The following MTTP variants were observed in gnomAD, a reference collection of about 807,000 sequenced individuals.
MTTP encodes the protein microsomal triglyceride transfer protein large subunit.
In MTTP, 49 loss-of-function variants were observed where a neutral mutation model predicts 90.6. The ratio of observed to expected loss-of-function variants is 0.54; its 90% CI spans 0.43 to 0.69. MTTP has a LOEUF of 0.69. MTTP is among the 30% of genes least tolerant of loss of function. The probability of loss-of-function intolerance (pLI) is 0.00; values close to 1 mark genes in which losing one functional copy is unlikely to be tolerated. For synonymous variants in MTTP, 347 were observed against 384.2 expected, an observed-to-expected ratio of 0.90 and a Z score of 1.13; for missense variants, 945 against 1,067.5, an observed-to-expected ratio of 0.89 and a Z score of 1.60.
chr4:99,611,491 G>C (rs1441456407), intron 14 of MTTP, 38 bp downstream of exon 14: 2 of 1,610,404 alleles, frequency 1.2e-6, no homozygotes, highest in African/African-American at 2.7e-5. Flanking sequence ...AATAAAGTAT[G>C]CAAGAAATCA....
chr4:99,566,928 G>A (rs1207117498), intron 1 of MTTP, among the ~76,000 whole-genome samples: 1 of 148,122 alleles, frequency 6.8e-6, no homozygotes, highest in Non-Finnish European at 1.5e-5. Context: ...TAAGTCTTAG[G>A]ATACTCTTCA....
In MTTP at chr4:99,623,128, T is replaced by C. The variant is rs1726283279; in HGVS notation, c.*280T>C. 2.2e-6 allele frequency: 1 copy of C among 452,490 alleles called. No homozygotes were observed. The highest frequency in any genetic ancestry group is 4.1e-6 in the Non-Finnish European group (1 of 246,618). The allele number at this position is 452,490 out of a possible 1,614,324, so 28.0% of individuals were successfully genotyped here. ...TGGTACAGTCAGAATAGTTATTCTCTAAGAGGAAACTAGTGTTTGTTAAAA... is the reference window on the plus strand; with the variant it reads ...TGGTACAGTCAGAATAGTTATTCTCCAAGAGGAAACTAGTGTTTGTTAAAA... On this transcript the variant is annotated 3_prime_UTR_variant, in exon 18 of 18. Coordinates refer to ENST00000265517, the MANE Select transcript of MTTP (RefSeq NM_001386140.1).
intron 1 of MTTP, among the ~76,000 whole-genome samples, chr4:99,566,301 A>G (rs902036183): frequency 1.8e-4 from 23 of 131,038 alleles, no homozygotes; most frequent in African/African-American, 6.8e-4. Flanking sequence ...AAAAAAGAAA[A>G]AAAAAAAAAA....
chr4:99,575,134 TTGAAA>T (rs1724926637), intron 1 of MTTP, among the ~76,000 whole-genome samples, 164 bp downstream of exon 1: 1 of 152,178 alleles, frequency 6.6e-6, no homozygotes, highest in African/African-American at 2.4e-5. Flanking sequence ...CATGGCTGAG[TTGAAA>T]TGAAAACCAA....
At chr4:99,607,853 G>A (rs1004555672) in intron 11 of MTTP, among the ~76,000 whole-genome samples, 1 of 152,042 alleles carries the variant, frequency 6.6e-6, no homozygotes, top group Non-Finnish European at 1.5e-5. Context: ...TACCACTGAG[G>A]GCATTGTTGA....
intron 16 of MTTP, among the ~76,000 whole-genome samples, chr4:99,620,504 C>G (rs1726204014): frequency 6.6e-6 from 1 of 152,204 alleles, no homozygotes; most frequent in Non-Finnish European, 1.5e-5. Flanking sequence ...ACCTACTGTA[C>G]ATGCCCCACT....
intron 8 of MTTP, among the ~76,000 whole-genome samples, chr4:99,600,231 G>C (rs775270893): frequency 2.0e-5 from 3 of 151,996 alleles, no homozygotes; most frequent in Non-Finnish European, 2.9e-5. Flanking sequence ...ACTCATATAG[G>C]AAAGAATTTG....
chr4:99,585,791 G>A (rs535477482), intron 3 of MTTP, among the ~76,000 whole-genome samples: 323 of 152,108 alleles, frequency 2.1e-3, no homozygotes, highest in Middle Eastern at 6.8e-3. Flanking sequence ...TATGATTTGC[G>A]ATGATTTACT....
chr4:99,574,424 A>T (rs1800803), upstream of MTTP, among the ~76,000 whole-genome samples: 64,557 of 152,048 alleles, frequency 0.42, 15,298 homozygotes, highest in African/African-American at 0.65. Flanking sequence ...ATACAAGAAA[A>T]ATTAAAATTT....
At chr4:99,602,114 A>G (rs1725714474) in intron 10 of MTTP, among the ~76,000 whole-genome samples, 1 of 152,156 alleles carries the variant, frequency 6.6e-6, no homozygotes, top group Non-Finnish European at 1.5e-5. Flanking sequence ...TTTCAGAGAA[A>G]TATTAGACTC....
chr4:99,604,848 C>T (rs1406351924), intron 10 of MTTP, among the ~76,000 whole-genome samples: 1 of 152,128 alleles, frequency 6.6e-6, no homozygotes, highest in Non-Finnish European at 1.5e-5. Context: ...AAAACATACA[C>T]AATATATTTT....
intron 11 of MTTP, 45 bp downstream of exon 11, chr4:99,607,005 A>AAG: frequency 6.5e-7 from 1 of 1,543,024 alleles, no homozygotes; most frequent in South Asian, 1.2e-5. Flanking sequence ...AAGAAAAAAA[A>AAG]AAAGCATGCT....
Position 99,619,016 on chromosome 4 carries a change from C to CAATAT in MTTP, c.2261_2262insATATA (p.Gly755TyrfsTer5). 1 of 1,613,440 alleles carries CAATAT rather than the reference C, an allele frequency of 6.2e-7. No individual in the cohort carries two copies. The highest frequency in any genetic ancestry group is 1.1e-5 in the South Asian group (1 of 91,060). ...TGGACTAAAAGCCAATATAGAGGTC[C>CAATAT]AGGGTGGTCTAGCTATTGATATTTC... On this transcript the variant is annotated frameshift_variant, in exon 16 of 18. Coordinates refer to ENST00000265517, the MANE Select transcript of MTTP (RefSeq NM_001386140.1). LOFTEE classifies it high-confidence loss of function.
At position 99,608,871 on chromosome 4, in the gene MTTP, A is replaced by T; in HGVS notation, c.1663A>T (p.Met555Leu). The change falls in exon 12 of 18, where the codon ATG (methionine) becomes TTG (leucine). Residue 555 changes from methionine to leucine, a missense_variant. Met to Leu is a conservative substitution (Grantham distance 15). Transcript: ENST00000265517. ...AIILNNNPSYMDVKNILLSIG... is the reference protein window; with the variant it reads ...AIILNNNPSYLDVKNILLSIG... ...CATTTTAAATAACAATCCATCCTAC[A>T]TGGACGTCAAGAACATCCTGCTGTC... 6.2e-7 allele frequency: 1 copy of T among 1,614,078 alleles called. No individual in the cohort carries two copies. The highest frequency in any genetic ancestry group is 2.2e-5 in the East Asian group (1 of 44,884).
In MTTP at chr4:99,597,242, T is replaced by C; in HGVS notation, c.1067+18T>C. 6.2e-7 allele frequency: 1 copy of C among 1,610,870 alleles called. No homozygotes were observed. Among genetic ancestry groups the C allele is most frequent in the Non-Finnish European group, 8.5e-7 (1 of 1,179,126 alleles). On this transcript the variant is annotated intron_variant, in intron 8 of 17. Transcript: ENST00000265517. ...GAAGTATTGTAAGTTCCCCAACCTT[T>C]GTGTGGGGTTGTCTGTCAGAAACAT...
rs149750072 is a variant in MTTP, at chr4:99,595,171, G to A, written c.909+288G>A. On this transcript the variant is annotated intron_variant, in intron 7 of 17. Coordinates refer to ENST00000265517, the MANE Select transcript of MTTP (RefSeq NM_001386140.1). ...AGGATAGAGGGCTTAATGAAGTTAGGGGGAAGCATATGGTGTCAAGAATGT... is the reference window on the plus strand; with the variant it reads ...AGGATAGAGGGCTTAATGAAGTTAGAGGGAAGCATATGGTGTCAAGAATGT... Among the ~76,000 whole-genome samples, 93 of 152,256 alleles carry A rather than the reference G, an allele frequency of 6.1e-4. No homozygotes were observed. The East Asian group carries it at 7.5e-3, about 12-fold the overall frequency.
intron 3 of MTTP, among the ~76,000 whole-genome samples, chr4:99,588,477 T>A (rs1725311361): frequency 6.6e-6 from 1 of 152,058 alleles, no homozygotes; most frequent in Admixed American, 6.6e-5. Flanking sequence ...AGTTAAATTA[T>A]CAAAATGGCA....
At chr4:99,607,043 C>G in intron 11 of MTTP, 83 bp downstream of exon 11, 1 of 1,206,888 alleles carries the variant, frequency 8.3e-7, no homozygotes, top group Non-Finnish European at 1.2e-6. Flanking sequence ...AAATTCCGCT[C>G]AAGTCACTCT....
chr4:99,575,837 C>G (rs1724942943), intron 1 of MTTP, among the ~76,000 whole-genome samples: 1 of 152,092 alleles, frequency 6.6e-6, no homozygotes, highest in Non-Finnish European at 1.5e-5. Flanking sequence ...AACAACATAG[C>G]GTTATAGGGA....
Sources: allele counts gnomAD v4.1 joint callset (sites outside exome capture counted in the v4.1 genomes callset), GRCh38; gene constraint gnomAD v4.1.1; transcripts MANE v1.5; gene names NCBI Gene and HGNC (gene_info 2026-07-23, HGNC 2026-07-21).